Variants in RASA3 observed in about 807,000 individuals in gnomAD.
RASA3 encodes the protein RAS p21 protein activator 3.
A neutral mutation model predicts 110.0 loss-of-function variants in RASA3; 73 were observed. That is an observed-to-expected ratio of 0.66 (90% CI 0.55 to 0.81). The LOEUF (loss-of-function observed/expected upper bound fraction) is 0.81, where lower values mean the gene tolerates loss of function less well. Among genes scored for constraint, RASA3 ranks in the 30% least tolerant of loss-of-function variants. RASA3 has a pLI of 0.00. For synonymous variants in RASA3, 500 were observed against 451.4 expected (o/e 1.11, Z -1.37); for missense variants, 976 against 1,113.2 (o/e 0.88, Z 1.75).
At position 114,027,840 on chromosome 13, in the gene RASA3, A is replaced by G. The variant is rs1421250090; in HGVS notation, c.530+7T>C. The stretch of plus-strand genomic sequence containing the variant: ...AGAACAGAAACCTGAAGCGTGAGGC[A>G]ACTTGCCTGAAGGGTCCTGCCAGCG... On this transcript the variant is annotated splice_region_variant and intron_variant, in intron 6 of 23. Coordinates refer to ENST00000334062, the MANE Select transcript of RASA3 (RefSeq NM_007368.4). The G allele has an allele frequency of 1.2e-6, 2 of 1,613,418 alleles. No homozygotes were observed. Among genetic ancestry groups the G allele is most frequent in the South Asian group, 2.2e-5 (2 of 91,050 alleles).
Position 114,030,508 on chromosome 13 carries a change from A to ACACAGAGGGCAAGG in RASA3, c.373-622_373-621insCCTTGCCCTCTGTG, listed in dbSNP as rs1566501982. ...GGGCAAGACTCACACAGAGGGCAAG[A>ACACAGAGGGCAAGG]CTCACACAGAGAGCAAGACTCACAC... On this transcript the variant is annotated intron_variant, in intron 4 of 23. Coordinates refer to ENST00000334062, the MANE Select transcript of RASA3 (RefSeq NM_007368.4). 8.8e-4 allele frequency among the ~76,000 whole-genome samples: 89 copies of ACACAGAGGGCAAGG among 100,904 alleles called. 4 individuals carry two copies. The highest frequency in any genetic ancestry group is 2.9e-3 in the African/African-American group (79 of 27,130). The allele number at this position is 100,904 out of a possible 152,430, so 66.2% of individuals were successfully genotyped here. A position where few individuals can be genotyped will look rare whatever the true frequency, so the allele number is the denominator to read the frequency against.
intron 2 of RASA3, among the ~76,000 whole-genome samples, chr13:114,064,706 C>A (rs1044715981): frequency 6.6e-6 from 1 of 152,264 alleles, no homozygotes; most frequent in African/African-American, 2.4e-5. Flanking sequence ...GGCCACACAG[C>A]CACCAGGTGC....
intron 1 of RASA3, among the ~76,000 whole-genome samples, chr13:114,079,733 G>A (rs551752234): frequency 5.9e-5 from 9 of 152,214 alleles, no homozygotes; most frequent in Non-Finnish European, 1.0e-4. Flanking sequence ...GCTCTGAGCT[G>A]CTGACTGCAA....
chr13:114,043,167 C>G (rs549883502), intron 3 of RASA3, among the ~76,000 whole-genome samples: 1 of 152,200 alleles, frequency 6.6e-6, no homozygotes, highest in African/African-American at 2.4e-5. Context: ...AGCTCAGCAC[C>G]AGCTCCAGAC....
chr13:114,022,674 G>A (rs1022157796), intron 8 of RASA3, among the ~76,000 whole-genome samples: 3 of 152,214 alleles, frequency 2.0e-5, no homozygotes, highest in South Asian at 4.1e-4. Context: ...TGAGGGGACC[G>A]CTGATCTGCC....
intron 3 of RASA3, among the ~76,000 whole-genome samples, chr13:114,041,515 C>A (rs1280668934): frequency 6.6e-6 from 1 of 152,280 alleles, no homozygotes; most frequent in South Asian, 2.1e-4. Context: ...TGGTCCGTGG[C>A]CAGTTCTCAC....
chr13:114,099,270 C>T (rs1365396923), intron 1 of RASA3, among the ~76,000 whole-genome samples: 1 of 152,036 alleles, frequency 6.6e-6, no homozygotes, highest in Non-Finnish European at 1.5e-5. Context: ...CAGACGCTCC[C>T]AAGCCACAGG....
chr13:114,132,495 G>T lies in RASA3; in HGVS notation c.-6C>A. ...CCCTCGTCCTCCACCGCCATGCTGC[G>T]CGTCCGCGCCCGCCGAGCCTCGCCC... On this transcript the variant is annotated 5_prime_UTR_variant, in exon 1 of 24. Transcript: ENST00000334062. 6.8e-7 allele frequency: 1 copy of T among 1,470,974 alleles called. No individual in the cohort carries two copies. The highest frequency in any genetic ancestry group is 9.0e-7 in the Non-Finnish European group (1 of 1,113,992). 91.1% of individuals were successfully genotyped at this position (1,470,974 alleles called of 1,614,324 possible). A position where few individuals can be genotyped will look rare whatever the true frequency, so the allele number is the denominator to read the frequency against.
At chr13:114,054,541 G>A (rs546384170) in intron 2 of RASA3, among the ~76,000 whole-genome samples, 5 of 152,144 alleles carry the variant, frequency 3.3e-5, no homozygotes, top group Admixed American at 6.5e-5. Flanking sequence ...CGGCCTTAAT[G>A]ACAGGCATTT....
At chr13:114,060,903 G>A (rs1236851653) in intron 2 of RASA3, among the ~76,000 whole-genome samples, 4 of 150,798 alleles carry the variant, frequency 2.7e-5, no homozygotes, top group Non-Finnish European at 4.4e-5. Flanking sequence ...CGGGAGACGG[G>A]GCCTCCAAAG....
At chr13:114,018,324 T>C in intron 10 of RASA3, 72 bp from the exon 11 acceptor site, 2 of 1,480,422 alleles carry the variant, frequency 1.4e-6, no homozygotes, top group Non-Finnish European at 1.8e-6. Flanking sequence ...CCACCTTGGC[T>C]GGGGTCTCAC....
chr13:114,004,578 A>T (rs9525186), intron 18 of RASA3, among the ~76,000 whole-genome samples: 20,669 of 152,142 alleles, frequency 0.14, 1,778 homozygotes, highest in Middle Eastern at 0.21. Context: ...GGCAGAATGG[A>T]GCCGCCTGAA....
intron 19 of RASA3, 44 bp from the exon 20 acceptor site, chr13:113,999,711 C>T (rs780452594): frequency 1.7e-5 from 26 of 1,516,438 alleles, no homozygotes; most frequent in Non-Finnish European, 2.3e-5. Context: ...CCCCGCTGTC[C>T]CGGCTGGGGT....
At position 114,011,790 on chromosome 13, in the gene RASA3, C is replaced by T. The variant is rs548957438; in HGVS notation, c.1513-542G>A. Among the ~76,000 whole-genome samples the T allele has an allele frequency of 3.3e-5, 5 of 152,136 alleles. No individual in the cohort carries two copies. The highest frequency in any genetic ancestry group is 2.1e-4 in the South Asian group (1 of 4,816). ...ATACAAAATTAGCTGGGCGTGGTGG[C>T]GCACGTCTGTAATCCAAGCTACTAG... On this transcript the variant is annotated intron_variant, in intron 15 of 23. Coordinates refer to ENST00000334062, the MANE Select transcript of RASA3 (RefSeq NM_007368.4). The surrounding 1 kb of genome is among the most constrained non-coding windows in gnomAD (Gnocchi z 4.8).
intron 23 of RASA3, among the ~76,000 whole-genome samples, chr13:113,980,490 T>C (rs1387428701): frequency 6.6e-6 from 1 of 150,416 alleles, no homozygotes; most frequent in Non-Finnish European, 1.5e-5. Flanking sequence ...TCCTGCCATG[T>C]GTGTGCATCT....
chr13:114,123,656 C>T lies in RASA3; in HGVS notation c.55+8779G>A, dbSNP rs536551223. On this transcript the variant is annotated intron_variant, in intron 1 of 23. Coordinates refer to ENST00000334062, the MANE Select transcript of RASA3 (RefSeq NM_007368.4). ...AGAATCCTCCGTCCTACCCTGGGCACGCCATGCGCACCAGGCAGGGAGGGT... is the reference window on the plus strand; with the variant it reads ...AGAATCCTCCGTCCTACCCTGGGCATGCCATGCGCACCAGGCAGGGAGGGT... 4.5e-4 allele frequency among the ~76,000 whole-genome samples: 68 copies of T among 152,330 alleles called. No homozygotes were observed. The South Asian group carries it at 0.012, about 26-fold the overall frequency.
intron 1 of RASA3, among the ~76,000 whole-genome samples, chr13:114,075,943 G>C (rs369200867): frequency 4.1e-4 from 26 of 63,130 alleles, no homozygotes; most frequent in East Asian, 1.2e-3. Flanking sequence ...CTCCCGTGTC[G>C]GCGCCGCGTA....
chr13:114,029,470 G>GT (rs1449967895), intron 5 of RASA3, among the ~76,000 whole-genome samples: 1 of 16,140 alleles, frequency 6.2e-5, no homozygotes, highest in Admixed American at 5.2e-4. Context: ...CGTCATCCTG[G>GT]GGGCCAGGAC....
At chr13:114,123,993 A>G (rs954927588) in intron 1 of RASA3, among the ~76,000 whole-genome samples, 5 of 152,210 alleles carry the variant, frequency 3.3e-5, no homozygotes, top group African/African-American at 1.2e-4. Context: ...TCCTCGATCA[A>G]TTCCAGGTCA....
Sources: gnomAD v4.1 joint callset for allele counts (sites outside exome capture counted in the v4.1 genomes callset) on GRCh38, gnomAD v4.1.1 for gene constraint, Gnocchi (gnomAD v3.1) non-coding constraint, MANE v1.5 for transcripts, NCBI Gene and HGNC (gene_info 2026-07-23, HGNC 2026-07-21) for gene names.